NR3C2: variants seen among roughly 807,000 people sequenced by gnomAD.
NR3C2 encodes mineralocorticoid receptor.
In NR3C2, 15 loss-of-function variants were observed where a neutral mutation model predicts 86.4. The ratio of observed to expected loss-of-function variants is 0.17; its 90% confidence interval spans 0.12 to 0.27. The LOEUF (loss-of-function observed/expected upper bound fraction) is 0.27. Ranked by LOEUF, NR3C2 falls within the 10% of genes least tolerant of loss-of-function variation. The probability of loss-of-function intolerance (pLI) is 1.00; values close to 1 mark genes in which losing one functional copy is unlikely to be tolerated. For missense variants in NR3C2, 960 were observed against 1,195.6 expected, an observed-to-expected ratio of 0.80 and a Z score of 2.91; for synonymous variants, 458 against 450.5, an observed-to-expected ratio of 1.02 and a Z score of -0.21.
At chr4:148,434,819 T>C (rs1749959185) in intron 2 of NR3C2, among the ~76,000 whole-genome samples, 1 of 152,188 alleles carries the variant, frequency 6.6e-6, no homozygotes, top group African/African-American at 2.4e-5. Flanking sequence ...TAACTGGCAG[T>C]AAAACATAAA....
rs145933782 is a variant in NR3C2 at position 148,136,808 on chromosome 4, A to G, written c.2510+15661T>C. ...ACCTGCTTTTTAAACTCGAGTGCCC[A>G]TCCATAACACCTGTCATCCGTCATT... On this transcript the variant is annotated intron_variant, in intron 6 of 8. Transcript: ENST00000358102. 6.3e-3 allele frequency among the ~76,000 whole-genome samples: 962 copies of G among 152,194 alleles called. 11 individuals are homozygous for G. Among genetic ancestry groups the G allele is most frequent in the African/African-American group, 0.022 (908 of 41,524 alleles).
At chr4:148,319,807 A>G (rs2149950622) in intron 2 of NR3C2, among the ~76,000 whole-genome samples, 1 of 149,246 alleles carries the variant, frequency 6.7e-6, no homozygotes, top group Admixed American at 6.6e-5. Context: ...TAGATATACA[A>G]TCATGTCGTC....
At chr4:148,412,120 G>C (rs1748736352) in intron 2 of NR3C2, among the ~76,000 whole-genome samples, 1 of 152,044 alleles carries the variant, frequency 6.6e-6, no homozygotes, top group Non-Finnish European at 1.5e-5. Flanking sequence ...CTGTCTCCTG[G>C]GGTCGCCATA....
intron 2 of NR3C2, among the ~76,000 whole-genome samples, chr4:148,334,090 G>A (rs1455176577): frequency 6.6e-6 from 1 of 152,194 alleles, no homozygotes; most frequent in African/African-American, 2.4e-5. Flanking sequence ...ATGTCATGAA[G>A]TACCGTAACT....
intron 2 of NR3C2, among the ~76,000 whole-genome samples, chr4:148,295,304 T>C (rs550264766): frequency 5.0e-4 from 76 of 151,982 alleles, no homozygotes; most frequent in African/African-American, 1.7e-3. Flanking sequence ...CATAATGAAT[T>C]GAGACCTACC....
intron 2 of NR3C2, among the ~76,000 whole-genome samples, chr4:148,318,868 C>T (rs1400499543): frequency 1.3e-5 from 2 of 151,622 alleles, no homozygotes; most frequent in East Asian, 1.9e-4. Context: ...TGTGCAGAAG[C>T]TCTTTAGTTT....
intron 2 of NR3C2, among the ~76,000 whole-genome samples, chr4:148,266,725 G>C (rs1475466749): frequency 6.6e-6 from 1 of 152,162 alleles, no homozygotes; most frequent in African/African-American, 2.4e-5. Context: ...CTGTTGGGTG[G>C]AGAATGGACT....
intron 3 of NR3C2, among the ~76,000 whole-genome samples, chr4:148,239,360 G>C (rs1190708787): frequency 6.6e-6 from 1 of 152,178 alleles, no homozygotes; most frequent in East Asian, 1.9e-4. Context: ...GGTTTCTGCA[G>C]GCCTATGCAA....
chr4:148,195,443 TTACTAAACACCCACAGCG>T (rs1736398153), intron 3 of NR3C2, among the ~76,000 whole-genome samples: 1 of 152,170 alleles, frequency 6.6e-6, no homozygotes, highest in African/African-American at 2.4e-5. Flanking sequence ...TCAAAAATAT[TTACTAAACACCCACAGCG>T]TACTAGGCAC....
At chr4:148,220,691 G>A (rs1318116051) in intron 3 of NR3C2, among the ~76,000 whole-genome samples, 1 of 152,166 alleles carries the variant, frequency 6.6e-6, no homozygotes, top group Non-Finnish European at 1.5e-5. Context: ...AGGCACTTGG[G>A]AAACTGAGGG....
rs142361860 is a variant in NR3C2 at position 148,216,336 on chromosome 4, G to C, written c.1898-21474C>G. On this transcript the variant is annotated intron_variant, in intron 3 of 8. Transcript: ENST00000358102. ...AAATAGCATTTCCTGGTCAACTGCC[G>C]AAGTCAAAAGTGTGCTTAAGCACTT... Among the ~76,000 whole-genome samples the C allele has an allele frequency of 1.6e-3, 239 of 152,168 alleles. 6 individuals carry two copies. In the East Asian group the frequency reaches 0.043, roughly 27 times the overall value.
At chr4:148,263,379 C>T (rs1740227524) in intron 2 of NR3C2, among the ~76,000 whole-genome samples, 1 of 152,342 alleles carries the variant, frequency 6.6e-6, no homozygotes, top group South Asian at 2.1e-4. Flanking sequence ...ACCACCACGT[C>T]CTGCTCAGTC....
chr4:148,186,702 A>G (rs1000684496), intron 4 of NR3C2, among the ~76,000 whole-genome samples: 1 of 151,656 alleles, frequency 6.6e-6, no homozygotes, highest in African/African-American at 2.4e-5. Flanking sequence ...ATTTTGGTGC[A>G]CCCATCATCC....
At chr4:148,202,725 G>C (rs557831053) in intron 3 of NR3C2, among the ~76,000 whole-genome samples, 24 of 152,224 alleles carry the variant, frequency 1.6e-4, no homozygotes, top group African/African-American at 5.8e-4. Flanking sequence ...TCACAAATAC[G>C]GACCCATACA....
At chr4:148,097,978 T>C (rs1482303644) in intron 8 of NR3C2, among the ~76,000 whole-genome samples, 1 of 152,068 alleles carries the variant, frequency 6.6e-6, no homozygotes, top group African/African-American at 2.4e-5. Flanking sequence ...GTTCAGCGAC[T>C]TCCCCCTGTA....
At chr4:148,186,188 T>A (rs902289862) in intron 4 of NR3C2, among the ~76,000 whole-genome samples, 19 of 152,228 alleles carry the variant, frequency 1.2e-4, no homozygotes, top group Admixed American at 1.2e-3. Flanking sequence ...TCATTACATT[T>A]TTAATTTGCA....
chr4:148,266,285 A>C (rs1157484127), intron 2 of NR3C2, among the ~76,000 whole-genome samples: 2 of 152,018 alleles, frequency 1.3e-5, no homozygotes, highest in Non-Finnish European at 2.9e-5. Flanking sequence ...GTTGGCCAGG[A>C]CAGTCTCGAT....
In NR3C2 at chr4:148,435,521, A is replaced by C. The variant is rs1750005834; in HGVS notation, c.1340T>G (p.Val447Gly). The change falls in exon 2 of 9, where the codon GTA (valine) becomes GGA (glycine). Residue 447 changes from valine to glycine, a missense_variant. By Grantham distance (109) the Val-to-Gly change is moderately radical. Coordinates refer to ENST00000358102, the MANE Select transcript of NR3C2 (RefSeq NM_000901.5). Reference sequence around the variant, plus strand: ...GCCATCCATAAATGGAAACGGGTTTACTGTTGGATTCCCTTTAAAAGAGGT... The same window carrying C: ...GCCATCCATAAATGGAAACGGGTTTCCTGTTGGATTCCCTTTAAAAGAGGT... ...SGTSFKGNPT[V>G]NPFPFMDGSY... 1 of 1,614,030 alleles carries C rather than the reference A, an allele frequency of 6.2e-7. No individual in the cohort carries two copies. The highest frequency in any genetic ancestry group is 1.3e-5 in the African/African-American group (1 of 74,940).
chr4:148,307,078 T>C (rs757681195), intron 2 of NR3C2, among the ~76,000 whole-genome samples: 5 of 152,116 alleles, frequency 3.3e-5, no homozygotes, highest in African/African-American at 4.8e-5. Flanking sequence ...ATTTACTTTT[T>C]TTTTTCTATT....
Sources: allele counts gnomAD v4.1 joint callset (sites outside exome capture counted in the v4.1 genomes callset), GRCh38; gene constraint gnomAD v4.1.1; transcripts MANE v1.5; gene names NCBI Gene and HGNC (gene_info 2026-07-23, HGNC 2026-07-21).